FAM78B: variants seen among roughly 807,000 people sequenced by gnomAD.
FAM78B encodes the protein protein FAM78B.
FAM78B carries 10 observed loss-of-function variants against 20.0 expected under a neutral mutation model. The observed-to-expected ratio is 0.50, with a 90% CI of 0.31 to 0.85. The LOEUF is 0.85. Ranked by LOEUF, FAM78B falls within the 40% of genes least tolerant of loss-of-function variation. The pLI is 0.05. For synonymous variants in FAM78B, 135 were observed against 132.8 expected (o/e 1.02, Z -0.12); for missense variants, 283 against 345.0 (o/e 0.82, Z 1.42).
At chr1:166,109,890 G>GTATATATATATATATATATA (rs1200752162) in intron 1 of FAM78B, among the ~76,000 whole-genome samples, 1 of 23,188 alleles carries the variant, frequency 4.3e-5, no homozygotes, top group Non-Finnish European at 1.1e-4. Context: ...ATGTATATAT[G>GTATATATATATATATATATA]TATATATATA....
chr1:166,103,410 C>T (rs982300767), intron 1 of FAM78B, among the ~76,000 whole-genome samples: 2 of 152,056 alleles, frequency 1.3e-5, no homozygotes, highest in Non-Finnish European at 2.9e-5. Flanking sequence ...TCAATGAATC[C>T]AGGAGCTGGT....
intron 1 of FAM78B, among the ~76,000 whole-genome samples, chr1:166,137,085 C>T (rs1264925222): frequency 2.0e-5 from 3 of 152,086 alleles, no homozygotes; most frequent in Non-Finnish European, 4.4e-5. Context: ...TCCAGGATGA[C>T]GTGATGTAGA....
chr1:166,126,790 A>G (rs1033332254), intron 1 of FAM78B, among the ~76,000 whole-genome samples: 2 of 152,228 alleles, frequency 1.3e-5, no homozygotes, highest in Non-Finnish European at 2.9e-5. Flanking sequence ...GAGGAAACTG[A>G]GGCAAAGGAA....
At chr1:166,154,636 G>C (rs1036721332) in intron 1 of FAM78B, 1 of 478,922 alleles carries the variant, frequency 2.1e-6, no homozygotes, top group Non-Finnish European at 4.4e-6. Flanking sequence ...AAACCTGGCT[G>C]GGGGGCAGGG....
chr1:166,157,443 C>G (rs1324657501), intron 1 of FAM78B, among the ~76,000 whole-genome samples: 7 of 151,566 alleles, frequency 4.6e-5, no homozygotes, highest in Admixed American at 3.3e-4. Context: ...GCACTGGGAC[C>G]CAGATCTTCT....
chr1:166,155,691 A>T (rs1015412645), intron 1 of FAM78B, among the ~76,000 whole-genome samples: 5 of 152,200 alleles, frequency 3.3e-5, no homozygotes, highest in African/African-American at 9.6e-5. Flanking sequence ...CAGATTCTCA[A>T]ATCATTAAGT....
rs576545215 is a variant in FAM78B, at chr1:166,140,425, T to C, written c.263+25561A>G. ...GGGCCAGAAACCATGGTCATAAATC[T>C]GGGAAGCCAGACAACAGCATTACAG... On this transcript the variant is annotated intron_variant, in intron 1 of 1. Coordinates refer to ENST00000354422, the MANE Select transcript of FAM78B (RefSeq NM_001017961.5). Among the ~76,000 whole-genome samples the C allele has an allele frequency of 1.1e-4, 17 of 152,312 alleles. No individual in the cohort carries two copies. The South Asian group carries it at 3.5e-3, about 32-fold the overall frequency.
At chr1:166,155,647 A>C (rs1042894935) in intron 1 of FAM78B, among the ~76,000 whole-genome samples, 1 of 152,194 alleles carries the variant, frequency 6.6e-6, no homozygotes, top group Non-Finnish European at 1.5e-5. Context: ...CATCCTTCCT[A>C]AAGAAAGTGA....
chr1:166,064,679 T>C (rs4378184), downstream of FAM78B, among the ~76,000 whole-genome samples: 37,345 of 152,108 alleles, frequency 0.25, 4,998 homozygotes, highest in Middle Eastern at 0.32. Context: ...TCTCCTGAGA[T>C]GGTTTTGGGC....
chr1:166,109,814 G>GTATGTATATA (rs1653928121), intron 1 of FAM78B, among the ~76,000 whole-genome samples: 2 of 32,648 alleles, frequency 6.1e-5, no homozygotes, highest in African/African-American at 2.0e-4. Context: ...ATGTATATAT[G>GTATGTATATA]TATATATATA....
chr1:166,091,100 A>G (rs1432007583), intron 1 of FAM78B, among the ~76,000 whole-genome samples: 1 of 152,192 alleles, frequency 6.6e-6, no homozygotes, highest in Non-Finnish European at 1.5e-5. Context: ...AGGAAGCAGC[A>G]TGAACAATGG....
chr1:166,131,238 C>T (rs1394593982), intron 1 of FAM78B, among the ~76,000 whole-genome samples: 6 of 152,030 alleles, frequency 3.9e-5, no homozygotes, highest in Admixed American at 1.3e-4. Context: ...GTGATCTGCC[C>T]GCCTCAGCCT....
intron 1 of FAM78B, among the ~76,000 whole-genome samples, chr1:166,147,132 C>A (rs1257602314): frequency 6.6e-6 from 1 of 152,110 alleles, no homozygotes; most frequent in Non-Finnish European, 1.5e-5. Flanking sequence ...CAGGAAAGAA[C>A]AAAGTTCAGC....
At chr1:166,130,257 T>C (rs1189022153) in intron 1 of FAM78B, among the ~76,000 whole-genome samples, 2 of 152,246 alleles carry the variant, frequency 1.3e-5, no homozygotes, top group Non-Finnish European at 2.9e-5. Flanking sequence ...AATCGCATGA[T>C]GTGAAAGCAT....
chr1:166,135,630 A>G (rs1282229647), intron 1 of FAM78B, among the ~76,000 whole-genome samples: 1 of 152,258 alleles, frequency 6.6e-6, no homozygotes, highest in African/African-American at 2.4e-5. Context: ...ATAGATAGAT[A>G]GCACTCTGAG....
intron 1 of FAM78B, among the ~76,000 whole-genome samples, chr1:166,092,156 A>T (rs1392825919): frequency 6.6e-6 from 1 of 151,930 alleles, no homozygotes; most frequent in African/African-American, 2.4e-5. Context: ...TACCTGTAGT[A>T]TACTTGGTAA....
chr1:166,123,477 C>T lies in FAM78B; in HGVS notation c.263+42509G>A, dbSNP rs111696859. Among the ~76,000 whole-genome samples, 3 of 152,376 alleles carry T rather than the reference C, an allele frequency of 2.0e-5. 1 individual carries two copies. The highest frequency in any genetic ancestry group is 7.2e-5 in the African/African-American group (3 of 41,586). On this transcript the variant is annotated intron_variant, in intron 1 of 1. Coordinates refer to ENST00000354422, the MANE Select transcript of FAM78B (RefSeq NM_001017961.5). ...TATCCTCGTCTCCAACCTAATTTAT[C>T]CTCCACAGTGCTGTCAGAGTGACAT...
chr1:166,074,698 T>C (rs1335531940), intron 1 of FAM78B, among the ~76,000 whole-genome samples: 2 of 152,256 alleles, frequency 1.3e-5, no homozygotes, highest in African/African-American at 4.8e-5. Context: ...TTAGAATCTA[T>C]TATTAGAATA....
chr1:166,102,093 C>T (rs1473687883), intron 1 of FAM78B, among the ~76,000 whole-genome samples: 8 of 152,184 alleles, frequency 5.3e-5, no homozygotes, highest in Non-Finnish European at 1.0e-4. Context: ...CCCAGAATTT[C>T]ATATCCAGCC....
Sources: allele counts gnomAD v4.1 joint callset (sites outside exome capture counted in the v4.1 genomes callset), GRCh38; gene constraint gnomAD v4.1.1; transcripts MANE v1.5; gene names NCBI Gene and HGNC (gene_info 2026-07-23, HGNC 2026-07-21).